Variants in MPRIP observed in about 807,000 individuals in gnomAD.
MPRIP encodes myosin phosphatase Rho-interacting protein.
MPRIP carries 59 observed loss-of-function variants against 234.9 expected under a neutral mutation model. The ratio of observed to expected loss-of-function variants is 0.25; its 90% confidence interval spans 0.20 to 0.31. The LOEUF (loss-of-function observed/expected upper bound fraction) is 0.31. Among genes scored for constraint, MPRIP ranks in the 10% least tolerant of loss-of-function variants. The pLI is 1.00. For synonymous variants in MPRIP, 1,144 were observed against 1,263.9 expected, an observed-to-expected ratio of 0.91 and a Z score of 2.01; for missense variants, 2,436 against 3,071.0, an observed-to-expected ratio of 0.79 and a Z score of 4.89.
chr17:17,158,720 G>A lies in MPRIP; in HGVS notation c.2118G>A (p.Arg706=). ...PGELERERAR[R]REERRKRFGM... ...AGCTGGAGCGGGAGCGTGCACGGAG[G>A]CGGGAGGAGCGCCGCAAGCGCTTCG... Residue 706 remains arginine (R), a synonymous_variant, in exon 14 of 24, where the codon AGG becomes AGA. Transcript: ENST00000651222. 1.2e-6 allele frequency: 2 copies of A among 1,610,374 alleles called. No homozygotes were observed. Among genetic ancestry groups the A allele is most frequent in the Non-Finnish European group, 1.7e-6 (2 of 1,179,634 alleles).
chr17:17,141,592 C>T (rs371899141), intron 7 of MPRIP: 6 of 152,656 alleles, frequency 3.9e-5, no homozygotes, highest in African/African-American at 1.2e-4. Context: ...TTCCCTCGCA[C>T]TCCCTGAGAA....
At chr17:17,117,999 T>G (rs2090318271) in intron 3 of MPRIP, among the ~76,000 whole-genome samples, 1 of 152,214 alleles carries the variant, frequency 6.6e-6, no homozygotes, top group Non-Finnish European at 1.5e-5. Context: ...TCAGAACTTC[T>G]GCAGAGGGAA....
At chr17:17,067,415 G>A (rs1051798350) in intron 1 of MPRIP, among the ~76,000 whole-genome samples, 1 of 152,186 alleles carries the variant, frequency 6.6e-6, no homozygotes, top group African/African-American at 2.4e-5. Context: ...AAGTGACTAA[G>A]GGGCAGGTAG....
At chr17:17,137,863 G>C in intron 6 of MPRIP, 53 bp from the exon 7 acceptor site, 1 of 1,493,934 alleles carries the variant, frequency 6.7e-7, no homozygotes, top group Non-Finnish European at 8.9e-7. Context: ...AGTCCTCAAA[G>C]CAAAGCTGCC....
chr17:17,053,234 A>C (rs1286248070), intron 1 of MPRIP, among the ~76,000 whole-genome samples: 1 of 152,106 alleles, frequency 6.6e-6, no homozygotes, highest in Non-Finnish European at 1.5e-5. Flanking sequence ...TGGCGAGCCC[A>C]GATTTGAGTT....
At position 17,165,619 on chromosome 17, in the gene MPRIP, C is replaced by T; in HGVS notation, c.4028C>T (p.Thr1343Ile). The change falls in exon 16 of 24, where the codon ACC becomes ATC. Residue 1343 changes from threonine to isoleucine, a missense_variant. By Grantham distance (89) the Thr-to-Ile change is moderately conservative. Around this residue, in one of 4 missense-constraint regions of MPRIP, gnomAD observed 1,998 missense variants for 2,520.3 expected, o/e 0.79. Coordinates refer to ENST00000651222, the MANE Select transcript of MPRIP (RefSeq NM_001364716.4). ...IHPEGSEKTW[T>I]SSTSSDTSQD... The stretch of plus-strand genomic sequence containing the variant: ...CCCGAAGGGTCTGAGAAGACCTGGA[C>T]CAGCAGCACATCTTCCGACACCAGC... 2.8e-5 allele frequency: 37 copies of T among 1,304,928 alleles called. No individual in the cohort carries two copies. The highest frequency in any genetic ancestry group is 3.6e-5 in the Non-Finnish European group (36 of 989,056). The allele number at this position is 1,304,928 out of a possible 1,614,324, so 80.8% of individuals were successfully genotyped here. A position where few individuals can be genotyped will look rare whatever the true frequency, so the allele number is the denominator to read the frequency against.
At chr17:17,094,928 A>T (rs1465496893) in intron 3 of MPRIP, among the ~76,000 whole-genome samples, 7 of 151,424 alleles carry the variant, frequency 4.6e-5, no homozygotes, top group South Asian at 2.1e-4. Context: ...TTTTTTTTTA[A>T]AATTTTTCCT....
At chr17:17,082,911 G>T (rs1430333287) in intron 3 of MPRIP, among the ~76,000 whole-genome samples, 2 of 152,232 alleles carry the variant, frequency 1.3e-5, no homozygotes. Flanking sequence ...GGTCCTGAAA[G>T]ATCATCCTGG....
At chr17:17,083,449 C>T (rs1330586699) in intron 3 of MPRIP, among the ~76,000 whole-genome samples, 1 of 152,130 alleles carries the variant, frequency 6.6e-6, no homozygotes, top group Admixed American at 6.5e-5. Flanking sequence ...GGGACCTCTG[C>T]TCACCTCACT....
chr17:17,168,004 G>A, intron 16 of MPRIP, 89 bp downstream of exon 16: 1 of 1,011,242 alleles, frequency 9.9e-7, no homozygotes, highest in Non-Finnish European at 1.3e-6. Context: ...CGTGCAGGCA[G>A]AATTGAGGGG....
chr17:17,045,809 T>TG (rs1323588178), intron 1 of MPRIP, among the ~76,000 whole-genome samples: 1 of 148,154 alleles, frequency 6.7e-6, no homozygotes, highest in African/African-American at 2.5e-5. Flanking sequence ...AATATACAGT[T>TG]TTTTTTTTTT....
intron 17 of MPRIP, among the ~76,000 whole-genome samples, chr17:17,172,142 A>G (rs1161286347): frequency 6.6e-6 from 1 of 152,240 alleles, no homozygotes; most frequent in East Asian, 1.9e-4. Flanking sequence ...TCCAGTTCCA[A>G]CAAGTAGACT....
intron 15 of MPRIP, 47 bp downstream of exon 15, chr17:17,161,403 A>G (rs775088037): frequency 7.3e-7 from 1 of 1,363,046 alleles, no homozygotes; most frequent in Non-Finnish European, 1.0e-6. Flanking sequence ...CAGGAGCTTC[A>G]GTGTGAAGGG....
intron 1 of MPRIP, chr17:17,057,919 A>G: frequency 3.8e-6 from 2 of 523,408 alleles, no homozygotes; most frequent in African/African-American, 1.9e-5. Context: ...TTTACAATAT[A>G]AATCTAAATA....
At chr17:17,084,175 C>T (rs1380929081) in intron 3 of MPRIP, among the ~76,000 whole-genome samples, 2 of 152,156 alleles carry the variant, frequency 1.3e-5, no homozygotes, top group South Asian at 2.1e-4. Flanking sequence ...CTGCTGTGTC[C>T]GTAACAGAGC....
rs1464819583 is a variant in MPRIP, at chr17:17,167,394, A to T, written c.5803A>T (p.Ser1935Cys). 1 of 1,304,204 alleles carries T rather than the reference A, an allele frequency of 7.7e-7. No homozygotes were observed. Among genetic ancestry groups the T allele is most frequent in the African/African-American group, 1.5e-5 (1 of 65,972 alleles). The allele number at this position is 1,304,204 out of a possible 1,614,324, so 80.8% of individuals were successfully genotyped here. A position where few individuals can be genotyped will look rare whatever the true frequency, so the allele number is the denominator to read the frequency against. The change falls in exon 16 of 24, where the codon AGC becomes TGC. Residue 1935 changes from serine (S) to cysteine (C), a missense_variant. Ser to Cys is a moderately radical substitution (Grantham distance 112, BLOSUM62 -1). Coordinates refer to ENST00000651222, the MANE Select transcript of MPRIP (RefSeq NM_001364716.4). The surrounding 1 kb of genome is among the most constrained non-coding windows in gnomAD (Gnocchi z 5.9). ...GCAGCAGTGTCTGGAGGATGCAGAG[A>T]GCAAGCACAGCATGAGCATGTTCAC... ...HQQQCLEDAE[S>C]KHSMSMFTLR...
chr17:17,180,811 G>T (rs73979097), intron 23 of MPRIP: 2 of 843,386 alleles, frequency 2.4e-6, no homozygotes, highest in Admixed American at 2.1e-5. Context: ...CTGCTCTGGG[G>T]AGTTAATTGG....
rs372975683 is a variant in MPRIP, at chr17:17,173,931, G to A, written c.6606G>A (p.Ser2202=). 1.1e-5 allele frequency: 18 copies of A among 1,613,388 alleles called. No homozygotes were observed. Among genetic ancestry groups the A allele is most frequent in the African/African-American group, 5.3e-5 (4 of 74,938 alleles). Residue 2202 remains serine (S), a synonymous_variant, in exon 19 of 24, where the codon TCG becomes TCA. Coordinates refer to ENST00000651222, the MANE Select transcript of MPRIP (RefSeq NM_001364716.4). The part of the protein sequence containing the change: ...LRRQYLEELQ[S]VQRELEVLSE... ...CTCTCCCCAGGGAGGAGCTGCAGTC[G>A]GTGCAGCGGGAACTGGAGGTCCTCT...
chr17:17,171,022 GTA>G (rs1041909779), intron 16 of MPRIP: 2 of 152,270 alleles, frequency 1.3e-5, no homozygotes, highest in African/African-American at 4.8e-5. Context: ...TAAGAAAAGA[GTA>G]AGAAAGAAGA....
Sources: gnomAD v4.1 joint callset for allele counts (sites outside exome capture counted in the v4.1 genomes callset) on GRCh38, gnomAD v4.1.1 for gene constraint, gnomAD v4.1.1 regional missense constraint, Gnocchi (gnomAD v3.1) non-coding constraint, MANE v1.5 for transcripts, NCBI Gene and HGNC (gene_info 2026-07-23, HGNC 2026-07-21) for gene names.